Variants in ZCCHC4 observed in about 807,000 individuals in gnomAD.
The protein encoded by ZCCHC4 is rRNA N(6)-adenosine-methyltransferase ZCCHC4.
In ZCCHC4, 54 loss-of-function variants were observed where a neutral mutation model predicts 67.7. The observed-to-expected ratio is 0.80, with a 90% confidence interval of 0.64 to 1.00. The LOEUF (loss-of-function observed/expected upper bound fraction) is 1.00, where lower values mean the gene tolerates loss of function less well. Ranked by LOEUF, ZCCHC4 falls within the 50% of genes least tolerant of loss-of-function variation. The probability of loss-of-function intolerance (pLI) is 0.00; values close to 1 mark genes in which losing one functional copy is unlikely to be tolerated. For missense variants in ZCCHC4, 609 were observed against 617.0 expected (o/e 0.99, Z 0.14); for synonymous variants, 198 against 213.5 (o/e 0.93, Z 0.63).
At chr4:25,366,806 C>T (rs562511862) in intron 12 of ZCCHC4, among the ~76,000 whole-genome samples, 1 of 152,086 alleles carries the variant, frequency 6.6e-6, no homozygotes, top group African/African-American at 2.4e-5. Flanking sequence ...ATTGTAGGCC[C>T]TTCATTGCTT....
At chr4:25,322,666 C>A (rs10939053) in intron 3 of ZCCHC4, among the ~76,000 whole-genome samples, 3 of 151,864 alleles carry the variant, frequency 2.0e-5, no homozygotes, top group Non-Finnish European at 4.4e-5. Flanking sequence ...TACAGGTGCA[C>A]GCCACCATGC....
In ZCCHC4 at chr4:25,333,308, C is replaced by G; in HGVS notation, c.455C>G (p.Thr152Ser). 4 of 1,614,038 alleles carry G rather than the reference C, an allele frequency of 2.5e-6. No homozygotes were observed. Among genetic ancestry groups the G allele is most frequent in the Non-Finnish European group, 3.4e-6 (4 of 1,179,988 alleles). ...EHQVLGNVSI[T>S]QLRRPSQLLY... Reference sequence around the variant, plus strand: ...CAGGTTCTGGGTAATGTGTCCATTACCCAGTTAAGAAGGCCCAGTCAACTC... The same window carrying G: ...CAGGTTCTGGGTAATGTGTCCATTAGCCAGTTAAGAAGGCCCAGTCAACTC... Residue 152 changes from threonine to serine, a missense_variant, in exon 4 of 13, where the codon ACC becomes AGC. Physicochemically the swap from Thr to Ser is moderately conservative, Grantham distance 58 (BLOSUM62 1). Coordinates refer to ENST00000302874, the MANE Select transcript of ZCCHC4 (RefSeq NM_024936.3).
At position 25,365,086 on chromosome 4, in the gene ZCCHC4, A is replaced by G; in HGVS notation, c.1326A>G (p.Lys442=). ...CAGATCATTCTTGTGAGGGCCCCAA[A>G]CATGGCTGCTTTATTTGTGGTGAAC... ...AVPDHSCEGP[K]HGCFICGELD... Residue 442 remains lysine, a synonymous_variant, in exon 12 of 13, where the codon AAA becomes AAG. Coordinates refer to ENST00000302874, the MANE Select transcript of ZCCHC4 (RefSeq NM_024936.3). 6.2e-7 allele frequency: 1 copy of G among 1,614,218 alleles called. No individual in the cohort carries two copies.
At chr4:25,324,014 G>GGT (rs777768505) in intron 3 of ZCCHC4, among the ~76,000 whole-genome samples, 2 of 82,428 alleles carry the variant, frequency 2.4e-5, no homozygotes, top group African/African-American at 1.0e-4. Flanking sequence ...TGTTTTTTGT[G>GGT]TTTTTTTTTT....
chr4:25,361,565 A>T, intron 8 of ZCCHC4: 1 of 311,476 alleles, frequency 3.2e-6, no homozygotes, highest in Middle Eastern at 9.0e-4. Context: ...CTAATGCTGT[A>T]CATATGGCCT....
intron 3 of ZCCHC4, among the ~76,000 whole-genome samples, chr4:25,325,068 C>A (rs1467050097): frequency 6.7e-6 from 1 of 150,118 alleles, no homozygotes; most frequent in East Asian, 2.0e-4. Context: ...ACAGTGAAAC[C>A]CCGTCTCTAC....
chr4:25,336,632 G>A (rs948084226), intron 5 of ZCCHC4, among the ~76,000 whole-genome samples: 9 of 152,276 alleles, frequency 5.9e-5, no homozygotes, highest in African/African-American at 1.7e-4. Flanking sequence ...GATTAGAGGC[G>A]TGCGCTGCCA....
At chr4:25,313,415 C>T (rs895694363) in intron 1 of ZCCHC4, among the ~76,000 whole-genome samples, 4 of 152,186 alleles carry the variant, frequency 2.6e-5, no homozygotes, top group Non-Finnish European at 5.9e-5. Flanking sequence ...TCAAAGTCCT[C>T]AATTCTCTGA....
At chr4:25,314,260 T>C (rs1347669677) in intron 2 of ZCCHC4, 96 bp downstream of exon 2, 7 of 764,136 alleles carry the variant, frequency 9.2e-6, no homozygotes, top group Non-Finnish European at 1.5e-5. Flanking sequence ...GGTCTGAACA[T>C]ACAAGATAAA....
intron 5 of ZCCHC4, among the ~76,000 whole-genome samples, chr4:25,335,838 A>G (rs1167340164): frequency 6.6e-6 from 1 of 152,202 alleles, no homozygotes; most frequent in East Asian, 1.9e-4. Context: ...TGTCTGACAT[A>G]CACAAGCACA....
intron 3 of ZCCHC4, among the ~76,000 whole-genome samples, chr4:25,322,520 T>A (rs1718636223): frequency 6.6e-6 from 1 of 151,826 alleles, no homozygotes; most frequent in African/African-American, 2.4e-5. Context: ...CACTTTATTT[T>A]TTTTATTTTT....
intron 6 of ZCCHC4, 30 bp downstream of exon 6, chr4:25,345,650 C>G (rs751652287): frequency 1.8e-5 from 26 of 1,425,478 alleles, no homozygotes; most frequent in Non-Finnish European, 2.5e-5. Flanking sequence ...TCTCATTGTT[C>G]TCTTATTGTG....
rs1403458236 is a variant in ZCCHC4 at position 25,361,864 on chromosome 4, T to TAA, written c.1017_1018insAA (p.Tyr340AsnfsTer31). 1 of 1,603,982 alleles carries TAA rather than the reference T, an allele frequency of 6.2e-7. No individual in the cohort carries two copies. The highest frequency in any genetic ancestry group is 8.5e-7 in the Non-Finnish European group (1 of 1,175,020). ...TCTAATTTTTAACTTTCTAGGTAGA[T>TAA]TATGATAATCATGCACTTTATAAAC... On this transcript the variant is annotated frameshift_variant, in exon 9 of 13. Transcript: ENST00000302874. LOFTEE classifies it high-confidence loss of function.
chr4:25,322,777 C>T (rs545965352), intron 3 of ZCCHC4, among the ~76,000 whole-genome samples: 130 of 152,268 alleles, frequency 8.5e-4, no homozygotes, highest in Non-Finnish European at 1.5e-3. Context: ...CTTGGCCTCC[C>T]GAAGTGCTGG....
At chr4:25,351,494 C>A in intron 7 of ZCCHC4, 95 bp from the exon 8 acceptor site, 2 of 771,714 alleles carry the variant, frequency 2.6e-6, no homozygotes, top group Non-Finnish European at 2.1e-6. Context: ...TGTGTTGAAT[C>A]ATTGCAATTT....
chr4:25,313,146 G>A (rs1044921213), intron 1 of ZCCHC4, among the ~76,000 whole-genome samples: 4 of 152,208 alleles, frequency 2.6e-5, no homozygotes, highest in African/African-American at 7.2e-5. Flanking sequence ...TTGGCTCCAG[G>A]ACTATTTCAT....
chr4:25,362,177 G>C, intron 9 of ZCCHC4, 49 bp from the exon 10 acceptor site: 1 of 1,544,614 alleles, frequency 6.5e-7, no homozygotes, highest in South Asian at 1.2e-5. Flanking sequence ...TATCTACTCT[G>C]TAAATCTCAA....
chr4:25,353,043 G>C (rs963805396), intron 8 of ZCCHC4, among the ~76,000 whole-genome samples: 5 of 152,010 alleles, frequency 3.3e-5, no homozygotes, highest in Non-Finnish European at 7.4e-5. Flanking sequence ...TTTGAATTCT[G>C]CTTTCTTCAT....
At chr4:25,323,959 G>A (rs984216202) in intron 3 of ZCCHC4, among the ~76,000 whole-genome samples, 4 of 148,604 alleles carry the variant, frequency 2.7e-5, no homozygotes, top group Admixed American at 6.7e-5. Context: ...TAGATTAGTC[G>A]GCATTTTCTA....
Sources: allele counts gnomAD v4.1 joint callset (sites outside exome capture counted in the v4.1 genomes callset), GRCh38; gene constraint gnomAD v4.1.1; transcripts MANE v1.5; gene names NCBI Gene and HGNC (gene_info 2026-07-23, HGNC 2026-07-21).